Variants in CTSE observed in about 807,000 individuals in gnomAD.
The protein encoded by CTSE is cathepsin E, also known as erythrocyte membrane aspartic proteinase.
CTSE carries 43 observed loss-of-function variants against 42.8 expected under a neutral mutation model. The ratio of observed to expected loss-of-function variants is 1.01; its 90% CI spans 0.79 to 1.30. CTSE has a LOEUF of 1.30. CTSE is among the 50% of genes most tolerant of loss of function. The probability of loss-of-function intolerance (pLI) is 0.00; values close to 1 mark genes in which losing one functional copy is unlikely to be tolerated. For synonymous variants in CTSE, 205 were observed against 191.5 expected (o/e 1.07, Z -0.58); for missense variants, 532 against 493.5 (o/e 1.08, Z -0.74).
intron 8 of CTSE, among the ~76,000 whole-genome samples, chr1:206,011,501 T>C (rs1661099105): frequency 2.0e-5 from 3 of 152,140 alleles, no homozygotes; most frequent in South Asian, 4.1e-4. Flanking sequence ...ATAATCCCTA[T>C]GTGGCAGGAG....
chr1:206,012,691 G>A lies in CTSE; in HGVS notation c.786-42C>T, dbSNP rs145536836. Reference sequence around the variant, plus strand: ...GTGGTCGGCCCACCTTCCCTCCCCCGGCTCCTAGGAAACTCCCACTCTTTT... The same window carrying A: ...GTGGTCGGCCCACCTTCCCTCCCCCAGCTCCTAGGAAACTCCCACTCTTTT... On this transcript the variant is annotated intron_variant, in intron 6 of 8. Transcript: ENST00000358184. The A allele has an allele frequency of 1.4e-4, 228 of 1,598,854 alleles. 3 individuals are homozygous for A. The highest frequency in any genetic ancestry group is 1.4e-3 in the Middle Eastern group (8 of 5,912).
Position 206,010,049 on chromosome 1 carries a change from TG to T in CTSE, c.*133del. On this transcript the variant is annotated 3_prime_UTR_variant, in exon 9 of 9. Transcript: ENST00000358184. ...TGTGTGTGTATTCTCATGTTCTGTT[TG>T]GTCTTAATTCAAGTTGCAACCCTGG... 1.1e-6 allele frequency: 1 copy of T among 926,816 alleles called. No individual in the cohort carries two copies. Among genetic ancestry groups the T allele is most frequent in the African/African-American group, 1.6e-5 (1 of 62,118 alleles). 57.4% of individuals were successfully genotyped at this position (926,816 alleles called of 1,614,324 possible). A position where few individuals can be genotyped will look rare whatever the true frequency, so the allele number is the denominator to read the frequency against.
chr1:206,014,218 G>A lies in CTSE; in HGVS notation c.663-324C>T, dbSNP rs1192220050. 1.8e-5 allele frequency: 4 copies of A among 227,584 alleles called. No homozygotes were observed. The East Asian group carries it at 3.8e-4, about 22-fold the overall frequency. 14.1% of individuals were successfully genotyped at this position (227,584 alleles called of 1,614,324 possible). A position where few individuals can be genotyped will look rare whatever the true frequency, so the allele number is the denominator to read the frequency against. ...GGACCATCCTGGGTGGGTATACACTGTGTGGCTTGAAGCAACCCCCAAAGA... is the reference window on the plus strand; with the variant it reads ...GGACCATCCTGGGTGGGTATACACTATGTGGCTTGAAGCAACCCCCAAAGA... On this transcript the variant is annotated intron_variant, in intron 5 of 8. Coordinates refer to ENST00000358184, the MANE Select transcript of CTSE (RefSeq NM_001910.4).
In CTSE at chr1:206,023,734, A is replaced by G. The variant is rs1661522085; in HGVS notation, c.58T>C (p.Ser20Pro). The G allele has an allele frequency of 6.2e-7, 1 of 1,613,540 alleles. No homozygotes were observed. Among genetic ancestry groups the G allele is most frequent in the Non-Finnish European group, 8.5e-7 (1 of 1,179,672 alleles). Residue 20 changes from serine to proline, a missense_variant, in exon 1 of 9, where the codon TCC becomes CCC. Transcript: ENST00000358184. ...VLLELGEAQG[S>P]LHRVPLRRHP... ...GGGACGTCTTCTCACCTGTGAAGGGATCCTTGGGCCTCTCCCAGCTCCAGG... is the reference window on the plus strand; with the variant it reads ...GGGACGTCTTCTCACCTGTGAAGGGGTCCTTGGGCCTCTCCCAGCTCCAGG...
chr1:206,011,217 A>G (rs1405741726), intron 8 of CTSE, among the ~76,000 whole-genome samples: 3 of 151,726 alleles, frequency 2.0e-5, no homozygotes, highest in African/African-American at 7.3e-5. Context: ...TCAGGTCATG[A>G]TCTTCTAAAA....
chr1:206,012,299 A>T lies in CTSE; in HGVS notation c.1026+9T>A, dbSNP rs781977973. ...CCTGTGGCCTGCAGAATAAGGAAAC[A>T]GTTCTTACCAGTAGGGTGTAGGCAG... On this transcript the variant is annotated intron_variant, in intron 8 of 8. Coordinates refer to ENST00000358184, the MANE Select transcript of CTSE (RefSeq NM_001910.4). 4 of 1,608,852 alleles carry T rather than the reference A, an allele frequency of 2.5e-6. No homozygotes were observed. The highest frequency in any genetic ancestry group is 2.7e-5 in the African/African-American group (2 of 74,846).
intron 4 of CTSE, among the ~76,000 whole-genome samples, chr1:206,017,423 A>C (rs1553277823): frequency 6.6e-6 from 1 of 152,000 alleles, no homozygotes; most frequent in African/African-American, 2.4e-5. Context: ...AATCTGAAAA[A>C]ATTTGAAATC....
At chr1:206,020,065 G>A (rs1168622063) in intron 4 of CTSE, among the ~76,000 whole-genome samples, 5 of 142,552 alleles carry the variant, frequency 3.5e-5, no homozygotes, top group African/African-American at 1.3e-4. Context: ...ATATAATTAT[G>A]CAATTATTAT....
rs1446140381 is a variant in CTSE at position 206,021,106 on chromosome 1, G to C, written c.405C>G (p.Phe135Leu). ...AGCTCCCGGTTCCATACTGAATGGA[G>C]AAAGATTGACCTGGCTGGCTGTATG... Reference protein sequence around the residue: ...SSTYSQPGQSFSIQYGTGSLS... With the variant: ...SSTYSQPGQSLSIQYGTGSLS... The change falls in exon 4 of 9, where the codon TTC (phenylalanine) becomes TTG (leucine). Residue 135 changes from phenylalanine (F) to leucine (L), a missense_variant. Coordinates refer to ENST00000358184, the MANE Select transcript of CTSE (RefSeq NM_001910.4). The C allele has an allele frequency of 2.5e-6, 4 of 1,613,730 alleles. No homozygotes were observed. In the Admixed American group the frequency reaches 6.7e-5, roughly 27 times the overall value.
Position 206,012,572 on chromosome 1 carries a change from G to A in CTSE, c.863C>T (p.Thr288Ile). 5 of 1,614,004 alleles carry A rather than the reference G, an allele frequency of 3.1e-6. No homozygotes were observed. Among genetic ancestry groups the A allele is most frequent in the Non-Finnish European group, 4.2e-6 (5 of 1,179,928 alleles). The change falls in exon 7 of 9, where the codon ACT becomes ATT. Residue 288 changes from threonine (T) to isoleucine (I), a missense_variant. Coordinates refer to ENST00000358184, the MANE Select transcript of CTSE (RefSeq NM_001910.4). ...CTGCTTAATCTTGTCGGAAGGGCCAGTGATGAGGGAAGTCCCTGTGTCCAC... is the reference window on the plus strand; with the variant it reads ...CTGCTTAATCTTGTCGGAAGGGCCAATGATGAGGGAAGTCCCTGTGTCCAC... ...AIVDTGTSLI[T>I]GPSDKIKQLQ... is the part of the protein sequence containing the mutation.
chr1:206,021,160 G>A lies in CTSE; in HGVS notation c.351C>T (p.His117=), dbSNP rs1553278334. The A allele has an allele frequency of 6.2e-7, 1 of 1,611,420 alleles. No homozygotes were observed. Among genetic ancestry groups the A allele is most frequent in the Admixed American group, 1.7e-5 (1 of 59,998 alleles). ...VYCTSPACKT[H]SRFQPSQSST... ...TGGACTGGGAAGGCTGGAACCTGCTGTGCGTCTCTGGAAAGAAGTGCACTG... is the reference window on the plus strand; with the variant it reads ...TGGACTGGGAAGGCTGGAACCTGCTATGCGTCTCTGGAAAGAAGTGCACTG... The change falls in exon 4 of 9, where the codon CAC becomes CAT. Residue 117 remains histidine (H), a synonymous_variant. Transcript: ENST00000358184.
At chr1:206,019,565 A>G (rs1661353803) in intron 4 of CTSE, among the ~76,000 whole-genome samples, 1 of 151,850 alleles carries the variant, frequency 6.6e-6, no homozygotes, top group Admixed American at 6.6e-5. Flanking sequence ...GTGACAAGCT[A>G]TAGGCTTGAA....
At chr1:206,019,708 A>G (rs1661357718) in intron 4 of CTSE, among the ~76,000 whole-genome samples, 1 of 147,544 alleles carries the variant, frequency 6.8e-6, no homozygotes, top group Admixed American at 6.8e-5. Context: ...GATATATAAT[A>G]TATATGTATA....
chr1:206,012,758 C>T (rs1661148115), intron 6 of CTSE, 109 bp from the exon 7 acceptor site: 8 of 1,251,294 alleles, frequency 6.4e-6, no homozygotes, highest in Non-Finnish European at 9.1e-6. Context: ...GATTTCCACC[C>T]ACCATATGAG....
chr1:206,013,187 C>T (rs560307403), intron 6 of CTSE, among the ~76,000 whole-genome samples: 16 of 152,150 alleles, frequency 1.1e-4, no homozygotes, highest in South Asian at 2.1e-4. Context: ...TTGTCTAGCA[C>T]GGCGCTAGGT....
In CTSE at chr1:206,022,270, G is replaced by T; in HGVS notation, c.226-3C>A. 1 of 1,595,230 alleles carries T rather than the reference G, an allele frequency of 6.3e-7. No homozygotes were observed. The highest frequency in any genetic ancestry group is 8.6e-7 in the Non-Finnish European group (1 of 1,164,944). ...GAGATAGTGCCGAAGTATTCCATCTGCAAGGAAGAGTGAGAAGGAAAGAGG... is the reference window on the plus strand; with the variant it reads ...GAGATAGTGCCGAAGTATTCCATCTTCAAGGAAGAGTGAGAAGGAAAGAGG... On this transcript the variant is annotated splice_region_variant and splice_polypyrimidine_tract_variant and intron_variant, in intron 2 of 8. Transcript: ENST00000358184.
intron 4 of CTSE, 91 bp from the exon 5 acceptor site, chr1:206,016,221 GC>G: frequency 8.4e-7 from 1 of 1,191,476 alleles, no homozygotes; most frequent in South Asian, 1.3e-5. Context: ...CTGTCTTGAA[GC>G]TAATGCCTCT....
Position 206,010,094 on chromosome 1 carries a change from G to T in CTSE, c.*89C>A, listed in dbSNP as rs1451342196. On this transcript the variant is annotated 3_prime_UTR_variant, in exon 9 of 9. Transcript: ENST00000358184. Reference sequence around the variant, plus strand: ...ACCCTGGAAACAGCTACATTCTCTGGAAAATAACTTTTTGTAGGTGTAAAG... The same window carrying T: ...ACCCTGGAAACAGCTACATTCTCTGTAAAATAACTTTTTGTAGGTGTAAAG... The T allele has an allele frequency of 2.6e-6, 4 of 1,546,250 alleles. No individual in the cohort carries two copies. Among genetic ancestry groups the T allele is most frequent in the Non-Finnish European group, 3.6e-6 (4 of 1,122,242 alleles).
intron 6 of CTSE, among the ~76,000 whole-genome samples, chr1:206,013,124 G>T (rs2102267697): frequency 6.6e-6 from 1 of 152,114 alleles, no homozygotes; most frequent in Admixed American, 6.5e-5. Context: ...TACCTTGCAG[G>T]AACTCAATCC....
Sources: allele counts gnomAD v4.1 joint callset (sites outside exome capture counted in the v4.1 genomes callset), GRCh38; gene constraint gnomAD v4.1.1; transcripts MANE v1.5; gene names NCBI Gene and HGNC (gene_info 2026-07-23, HGNC 2026-07-21).